GNA14: variants seen among roughly 807,000 people sequenced by gnomAD.
GNA14 encodes the protein G protein subunit alpha 14.
GNA14 carries 50 observed loss-of-function variants against 42.0 expected under a neutral mutation model. The ratio of observed to expected loss-of-function variants is 1.19; its 90% CI spans 0.95 to 1.51. The LOEUF is 1.51. GNA14 is among the 40% of genes most tolerant of loss of function. The pLI is 0.00. For missense variants in GNA14, 473 were observed against 446.2 expected, an observed-to-expected ratio of 1.06 and a Z score of -0.54; for synonymous variants, 173 against 163.1, an observed-to-expected ratio of 1.06 and a Z score of -0.46.
At chr9:77,575,469 T>C (rs1823113695) in intron 1 of GNA14, among the ~76,000 whole-genome samples, 1 of 152,200 alleles carries the variant, frequency 6.6e-6, no homozygotes, top group Non-Finnish European at 1.5e-5. Flanking sequence ...ACCTAAACTT[T>C]CCACATGAAA....
At chr9:77,613,267 T>C (rs1238225200) in intron 1 of GNA14, among the ~76,000 whole-genome samples, 1 of 152,198 alleles carries the variant, frequency 6.6e-6, no homozygotes, top group African/African-American at 2.4e-5. Flanking sequence ...TTTTATTCCA[T>C]AATATGCTTC....
At chr9:77,464,916 TG>T (rs890359804) in intron 2 of GNA14, among the ~76,000 whole-genome samples, 1 of 152,036 alleles carries the variant, frequency 6.6e-6, no homozygotes, top group Non-Finnish European at 1.5e-5. Context: ...GAATGCCGTG[TG>T]AAGCCAGACA....
chr9:77,446,982 G>A (rs1180745615), intron 2 of GNA14, among the ~76,000 whole-genome samples: 1 of 124,658 alleles, frequency 8.0e-6, no homozygotes, highest in East Asian at 2.3e-4. Flanking sequence ...TTTTTTTTTT[G>A]AGACGGAGTT....
intron 2 of GNA14, among the ~76,000 whole-genome samples, chr9:77,514,254 G>A (rs1837214332): frequency 6.6e-6 from 1 of 152,090 alleles, no homozygotes; most frequent in Non-Finnish European, 1.5e-5. Flanking sequence ...CAGTCCCATA[G>A]TCAAGGAGGC....
intron 2 of GNA14, among the ~76,000 whole-genome samples, chr9:77,512,365 T>A (rs962433781): frequency 6.6e-6 from 1 of 152,208 alleles, no homozygotes; most frequent in Non-Finnish European, 1.5e-5. Context: ...TTAATTAAAA[T>A]GTAGCATTTG....
intron 2 of GNA14, among the ~76,000 whole-genome samples, chr9:77,474,171 T>C (rs1481160688): frequency 6.6e-6 from 1 of 151,982 alleles, no homozygotes; most frequent in African/African-American, 2.4e-5. Context: ...ACATCAAAAT[T>C]AAAAACTTTT....
intron 1 of GNA14, among the ~76,000 whole-genome samples, chr9:77,629,281 G>A (rs1170903762): frequency 6.6e-6 from 1 of 152,198 alleles, no homozygotes. Flanking sequence ...ACTGTTGTTG[G>A]GAGTGTAAAT....
intron 2 of GNA14, among the ~76,000 whole-genome samples, chr9:77,444,145 C>T (rs1444842571): frequency 6.6e-6 from 1 of 152,178 alleles, no homozygotes. Flanking sequence ...ACTGACGTTT[C>T]CCAGAATGCC....
At chr9:77,634,071 G>T (rs1228622550) in intron 1 of GNA14, among the ~76,000 whole-genome samples, 2 of 152,140 alleles carry the variant, frequency 1.3e-5, no homozygotes, top group Non-Finnish European at 2.9e-5. Flanking sequence ...TTTCTCAACT[G>T]TAGTTTTGGT....
At chr9:77,590,596 G>C (rs1168485441) in intron 1 of GNA14, among the ~76,000 whole-genome samples, 2 of 152,082 alleles carry the variant, frequency 1.3e-5, no homozygotes, top group Non-Finnish European at 2.9e-5. Context: ...ATGTGAACCA[G>C]TGTCTGCTTC....
intron 1 of GNA14, among the ~76,000 whole-genome samples, chr9:77,574,854 C>A (rs937798455): frequency 2.0e-5 from 3 of 152,148 alleles, no homozygotes; most frequent in Admixed American, 1.3e-4. Flanking sequence ...GTGCCTTGTC[C>A]CAGATGACAC....
At chr9:77,631,182 T>G (rs1824093520) in intron 1 of GNA14, among the ~76,000 whole-genome samples, 1 of 152,184 alleles carries the variant, frequency 6.6e-6, no homozygotes, top group Non-Finnish European at 1.5e-5. Context: ...AACACCTTAC[T>G]TCCATCTTAT....
intron 1 of GNA14, among the ~76,000 whole-genome samples, chr9:77,583,704 A>G (rs955269561): frequency 1.3e-5 from 2 of 152,178 alleles, no homozygotes; most frequent in Non-Finnish European, 2.9e-5. Flanking sequence ...ATCCTTGATC[A>G]GCCCCTAAAC....
At chr9:77,550,804 G>T (rs1043333971) in intron 1 of GNA14, among the ~76,000 whole-genome samples, 1 of 152,156 alleles carries the variant, frequency 6.6e-6, no homozygotes, top group African/African-American at 2.4e-5. Flanking sequence ...GTCCACAGGG[G>T]CAACAAAATT....
chr9:77,494,041 C>T (rs575270968), intron 2 of GNA14, among the ~76,000 whole-genome samples: 9 of 152,268 alleles, frequency 5.9e-5, no homozygotes, highest in African/African-American at 2.2e-4. Flanking sequence ...GTGACTCAGC[C>T]TCCCAAGTAG....
At chr9:77,647,116 C>T (rs1564075165) in intron 1 of GNA14, among the ~76,000 whole-genome samples, 1 of 152,184 alleles carries the variant, frequency 6.6e-6, no homozygotes, top group African/African-American at 2.4e-5. Flanking sequence ...TCGGCTTTGC[C>T]TTTTCTCAAT....
intron 1 of GNA14, among the ~76,000 whole-genome samples, chr9:77,568,278 A>T (rs1449274431): frequency 6.6e-6 from 1 of 152,048 alleles, no homozygotes; most frequent in East Asian, 1.9e-4. Flanking sequence ...TGGTGAAACC[A>T]AAAATTTGGG....
chr9:77,460,273 C>T (rs1043813991), intron 2 of GNA14, among the ~76,000 whole-genome samples: 4 of 152,294 alleles, frequency 2.6e-5, no homozygotes, highest in African/African-American at 9.6e-5. Flanking sequence ...AGACACAGGG[C>T]AGAGGCCGAC....
intron 1 of GNA14, among the ~76,000 whole-genome samples, chr9:77,638,709 T>G (rs1320564808): frequency 3.3e-5 from 5 of 152,164 alleles, no homozygotes; most frequent in Non-Finnish European, 7.3e-5. Flanking sequence ...TTAAGTAAGG[T>G]AATAATATAA....
Sources: allele counts gnomAD v4.1 joint callset (sites outside exome capture counted in the v4.1 genomes callset), GRCh38; gene constraint gnomAD v4.1.1; transcripts MANE v1.5; gene names NCBI Gene and HGNC (gene_info 2026-07-23, HGNC 2026-07-21).